The following UBL3 variants were observed in gnomAD, a reference collection of about 807,000 sequenced individuals.
The protein encoded by UBL3 is ubiquitin like 3, also known as ubiquitin-like protein 3.
UBL3 carries 6 observed loss-of-function variants against 18.4 expected under a neutral mutation model. The observed-to-expected ratio is 0.33, with a 90% CI of 0.18 to 0.64. The LOEUF is 0.64. UBL3 is among the 30% of genes least tolerant of loss of function. The pLI, the probability that UBL3 is intolerant of heterozygous loss-of-function variation, is 0.76. For synonymous variants in UBL3, 49 were observed against 46.6 expected (o/e 1.05, Z -0.21); for missense variants, 109 against 142.9 (o/e 0.76, Z 1.21).
chr13:29,843,503 T>C (rs535776884), intron 1 of UBL3, among the ~76,000 whole-genome samples: 26 of 152,328 alleles, frequency 1.7e-4, no homozygotes, highest in Admixed American at 9.2e-4. Flanking sequence ...GAAAAACTTA[T>C]CTTACAAAGA....
chr13:29,835,631 T>C (rs1878941381), intron 1 of UBL3, among the ~76,000 whole-genome samples: 1 of 151,648 alleles, frequency 6.6e-6, no homozygotes, highest in African/African-American at 2.4e-5. Context: ...GGTGCGTGCC[T>C]GTAGTCCCAT....
chr13:29,795,934 CT>C (rs983402419), intron 1 of UBL3, among the ~76,000 whole-genome samples: 240 of 141,554 alleles, frequency 1.7e-3, no homozygotes, highest in Admixed American at 5.1e-3. Flanking sequence ...TTTGATCTCT[CT>C]TTTTTTTTTT....
At chr13:29,813,060 C>T (rs1040636981) in intron 1 of UBL3, among the ~76,000 whole-genome samples, 11 of 151,994 alleles carry the variant, frequency 7.2e-5, no homozygotes, top group Non-Finnish European at 1.3e-4. Context: ...ATACCCATTA[C>T]ATTTACTTGG....
intron 1 of UBL3, among the ~76,000 whole-genome samples, chr13:29,835,334 T>C (rs1413017903): frequency 6.7e-6 from 1 of 150,110 alleles, no homozygotes; most frequent in Non-Finnish European, 1.5e-5. Context: ...GAAAAGCTTC[T>C]CTGAAGAAAG....
intron 1 of UBL3, among the ~76,000 whole-genome samples, chr13:29,786,435 T>C (rs570073290): frequency 6.6e-6 from 1 of 152,302 alleles, no homozygotes; most frequent in East Asian, 1.9e-4. Flanking sequence ...GGGAATGGCA[T>C]TAAAAAATCC....
chr13:29,831,180 C>T, intron 1 of UBL3, among the ~76,000 whole-genome samples: 1 of 152,128 alleles, frequency 6.6e-6, no homozygotes, highest in East Asian at 1.9e-4. Flanking sequence ...TGAATGCTCA[C>T]AAAAATTTAT....
intron 1 of UBL3, among the ~76,000 whole-genome samples, chr13:29,809,684 G>A (rs1183288386): frequency 6.6e-6 from 1 of 152,152 alleles, no homozygotes; most frequent in African/African-American, 2.4e-5. Flanking sequence ...GATGGAGGCA[G>A]TGAAGAAGAT....
At chr13:29,847,861 G>A (rs1879266719) in intron 1 of UBL3, among the ~76,000 whole-genome samples, 2 of 152,116 alleles carry the variant, frequency 1.3e-5, no homozygotes, top group Admixed American at 1.3e-4. Flanking sequence ...AGCTTGTCCA[G>A]CCGTACTTAA....
chr13:29,825,694 TC>T (rs912500647), intron 1 of UBL3, among the ~76,000 whole-genome samples: 4 of 152,132 alleles, frequency 2.6e-5, no homozygotes, highest in Admixed American at 2.6e-4. Context: ...CCTTTCTTTC[TC>T]CTGCCCGATT....
chr13:29,771,392 T>TATATATATATATTGGA (rs1876836936), intron 3 of UBL3, among the ~76,000 whole-genome samples: 2 of 152,214 alleles, frequency 1.3e-5, no homozygotes, highest in South Asian at 4.1e-4. Flanking sequence ...ATTTCTCCAA[T>TATATATATATATTGGA]CATATATAAA....
At chr13:29,800,807 G>T (rs1312411070) in intron 1 of UBL3, among the ~76,000 whole-genome samples, 2 of 152,160 alleles carry the variant, frequency 1.3e-5, no homozygotes, top group African/African-American at 4.8e-5. Context: ...CCCTGGGATG[G>T]ATCTCCCAGA....
At chr13:29,779,358 C>T in intron 1 of UBL3, 2 of 326,280 alleles carry the variant, frequency 6.1e-6, no homozygotes, top group Non-Finnish European at 5.9e-6. Flanking sequence ...AGAAATTCTG[C>T]CCCTAGTAGT....
chr13:29,806,202 C>T (rs1299374010), intron 1 of UBL3, among the ~76,000 whole-genome samples: 1 of 152,018 alleles, frequency 6.6e-6, no homozygotes, highest in Non-Finnish European at 1.5e-5. Flanking sequence ...AACCAAAAAA[C>T]CCCACAAAGT....
chr13:29,774,306 C>A (rs1305098989), intron 2 of UBL3, among the ~76,000 whole-genome samples: 1 of 151,906 alleles, frequency 6.6e-6, no homozygotes, highest in African/African-American at 2.4e-5. Flanking sequence ...TACAATACTG[C>A]CCAAATAAAT....
chr13:29,815,991 G>A (rs1878268045), intron 1 of UBL3, among the ~76,000 whole-genome samples: 2 of 152,078 alleles, frequency 1.3e-5, no homozygotes, highest in Non-Finnish European at 2.9e-5. Flanking sequence ...ACACAATGAT[G>A]CTTTTAGGAC....
intron 1 of UBL3, among the ~76,000 whole-genome samples, chr13:29,810,980 C>T (rs1312132675): frequency 6.6e-6 from 1 of 152,068 alleles, no homozygotes; most frequent in Admixed American, 6.6e-5. Flanking sequence ...CCCTTGACAT[C>T]GTTCAAGTCA....
chr13:29,835,163 T>TAA (rs1878925251), intron 1 of UBL3, among the ~76,000 whole-genome samples: 12 of 54,806 alleles, frequency 2.2e-4, no homozygotes, highest in Non-Finnish European at 3.9e-4. Context: ...TATATATATA[T>TAA]ATATATATAT....
chr13:29,815,416 A>C (rs1236321388), intron 1 of UBL3, among the ~76,000 whole-genome samples: 2 of 152,178 alleles, frequency 1.3e-5, no homozygotes, highest in African/African-American at 4.8e-5. Context: ...TTACCCACCT[A>C]CCATAGATCA....
At chr13:29,781,576 C>T (rs548344691) in intron 1 of UBL3, among the ~76,000 whole-genome samples, 39 of 151,790 alleles carry the variant, frequency 2.6e-4, no homozygotes, top group African/African-American at 9.4e-4. Context: ...TAATAAATAC[C>T]GCTCTGGTGG....
Sources: allele counts gnomAD v4.1 joint callset (sites outside exome capture counted in the v4.1 genomes callset), GRCh38; gene constraint gnomAD v4.1.1; transcripts MANE v1.5; gene names NCBI Gene and HGNC (gene_info 2026-07-23, HGNC 2026-07-21).